Variants in CXXC1 observed in about 807,000 individuals in gnomAD.
CXXC1 encodes the protein CXXC-type zinc finger protein 1.
CXXC1 carries 21 observed loss-of-function variants against 83.6 expected under a neutral mutation model. The observed-to-expected ratio is 0.25, with a 90% confidence interval of 0.18 to 0.36. CXXC1 has a LOEUF of 0.36. CXXC1 is among the 10% of genes least tolerant of loss of function. The pLI is 1.00. For missense variants in CXXC1, 688 were observed against 919.5 expected (o/e 0.75, Z 3.26); for synonymous variants, 371 against 337.5 (o/e 1.10, Z -1.09).
chr18:50,286,305 G>C, intron 3 of CXXC1, 48 bp from the exon 4 acceptor site: 1 of 1,503,676 alleles, frequency 6.7e-7, no homozygotes, highest in Non-Finnish European at 9.0e-7. Flanking sequence ...TGGATGGCTT[G>C]AATGGTCCCA....
chr18:50,286,840 G>T lies in CXXC1; in HGVS notation c.22C>A (p.Pro8Thr). 1 of 1,613,378 alleles carries T rather than the reference G, an allele frequency of 6.2e-7. No homozygotes were observed. The highest frequency in any genetic ancestry group is 1.1e-5 in the South Asian group (1 of 91,062). MEGDGSD[P>T]EPPDAGEDSK... is the part of the protein sequence containing the mutation. ...TCCTCCCCGGCATCTGGAGGCTCTG[G>T]GTCTGAACCATCTCCCTCCTGCAGG... Residue 8 changes from proline to threonine, a missense_variant, in exon 2 of 15, where the codon CCA becomes ACA. Transcript: ENST00000285106.
chr18:50,284,994 C>G lies in CXXC1; in HGVS notation c.912+8G>C, dbSNP rs768722834. On this transcript the variant is annotated splice_region_variant and intron_variant, in intron 7 of 14. Transcript: ENST00000285106. ...CCCTTCCACCAGTGGATGCTCCTGT[C>G]TGCTCACCAGGCCATGGTCATCAAA... The G allele has an allele frequency of 3.7e-6, 6 of 1,614,140 alleles. No homozygotes were observed. The highest frequency in any genetic ancestry group is 4.2e-6 in the Non-Finnish European group (5 of 1,179,998).
chr18:50,286,132 C>T lies in CXXC1; in HGVS notation c.349G>A (p.Asp117Asn), dbSNP rs779519349. The T allele has an allele frequency of 1.9e-6, 3 of 1,613,928 alleles. No individual in the cohort carries two copies. Among genetic ancestry groups the T allele is most frequent in the African/African-American group, 1.3e-5 (1 of 74,942 alleles). Residue 117 changes from aspartate to asparagine, a missense_variant, in exon 4 of 15, where the codon GAC becomes AAC. Physicochemically the swap from Asp to Asn is conservative, Grantham distance 23. This residue lies in a region of CXXC1 where 142 missense variants were observed against 150.7 expected (regional missense o/e 0.94). Coordinates refer to ENST00000285106, the MANE Select transcript of CXXC1 (RefSeq NM_014593.4). ...GGRKRPVPDP[D>N]LQRRAGSGTG... ...CCTGACCCTGCCCGGCGCTGCAGGT[C>T]TGGATCAGGGACAGGCCTCTTGCGC... is the stretch of plus-strand genomic sequence containing the variant.
In CXXC1 at chr18:50,285,129, G is replaced by A. The variant is rs1364204306; in HGVS notation, c.785C>T (p.Ala262Val). The change falls in exon 7 of 15, where the codon GCG (alanine) becomes GTG (valine). Residue 262 changes from alanine (A) to valine (V), a missense_variant. Coordinates refer to ENST00000285106, the MANE Select transcript of CXXC1 (RefSeq NM_014593.4). This position sits in a 1 kb window ranked among gnomAD's most constrained non-coding sequence, Gnocchi z 4.4. ...AGGAGGCTCCTTGACTGTTGATGAC[G>A]CCACTGCCCCCTCATCTTCACGGAT... ...GRIREDEGAVASSTVKEPPEA... is the reference protein window; with the variant it reads ...GRIREDEGAVVSSTVKEPPEA... The A allele has an allele frequency of 6.8e-6, 11 of 1,614,066 alleles. No homozygotes were observed. Among genetic ancestry groups the A allele is most frequent in the Middle Eastern group, 1.6e-4 (1 of 6,084 alleles).
chr18:50,285,139 C>A lies in CXXC1; in HGVS notation c.775G>T (p.Gly259Trp). 6.2e-7 allele frequency: 1 copy of A among 1,614,220 alleles called. No homozygotes were observed. Among genetic ancestry groups the A allele is most frequent in the Non-Finnish European group, 8.5e-7 (1 of 1,180,042 alleles). ...TTGACTGTTGATGACGCCACTGCCC[C>A]CTCATCTTCACGGATGCGCCCTAAC... Reference protein sequence around the residue: ...QKLGRIREDEGAVASSTVKEP... With the variant: ...QKLGRIREDEWAVASSTVKEP... Residue 259 changes from glycine (G) to tryptophan (W), a missense_variant, in exon 7 of 15, where the codon GGG becomes TGG. Transcript: ENST00000285106. This position sits in a 1 kb window ranked among gnomAD's most constrained non-coding sequence, Gnocchi z 4.4.
rs1426307781 is a variant in CXXC1, at chr18:50,282,802, G to A, written c.1824+52C>T. On this transcript the variant is annotated intron_variant, in intron 14 of 14. Transcript: ENST00000285106. This position sits in a 1 kb window ranked among gnomAD's most constrained non-coding sequence, Gnocchi z 5.8. ...CTGCAGCCCCGCCTGCCCCGGCCAC[G>A]TCCGACATGGAAACCTACCACATGC... The A allele has an allele frequency of 3.1e-6, 5 of 1,611,792 alleles. No individual in the cohort carries two copies. In the South Asian group the frequency reaches 3.3e-5, roughly 11 times the overall value.
intron 1 of CXXC1, 200 bp from the exon 2 acceptor site, chr18:50,287,058 C>T (rs2040726227): frequency 1.7e-6 from 1 of 586,206 alleles, no homozygotes; most frequent in African/African-American, 1.9e-5. Context: ...CTCCATACTT[C>T]CCATCACGCA....
At chr18:50,286,928 C>T in intron 1 of CXXC1, 70 bp from the exon 2 acceptor site, 1 of 1,103,412 alleles carries the variant, frequency 9.1e-7, no homozygotes, top group Non-Finnish European at 1.4e-6. Flanking sequence ...CATTACAACT[C>T]CACCGTGGTC....
At position 50,283,765 on chromosome 18, in the gene CXXC1, G is replaced by A. The variant is rs543126867; in HGVS notation, c.1464C>T (p.Ser488=). 37 of 1,614,242 alleles carry A rather than the reference G, an allele frequency of 2.3e-5. No homozygotes were observed. In the East Asian group the frequency reaches 2.7e-4, roughly 12 times the overall value. ...CACGTGGGTTGATGGGGTGCCCACAGGAAACACAGAAGATCTGCAGGTCTG... is the reference window on the plus strand; with the variant it reads ...CACGTGGGTTGATGGGGTGCCCACAAGAAACACAGAAGATCTGCAGGTCTG... ...DDTDLQIFCV[S]CGHPINPRVA... is the part of the protein sequence containing the mutation. The change falls in exon 11 of 15, where the codon TCC becomes TCT. Residue 488 remains serine, a synonymous_variant. Coordinates refer to ENST00000285106, the MANE Select transcript of CXXC1 (RefSeq NM_014593.4).
rs1457511515 is a variant in CXXC1, at chr18:50,284,030, C to T, written c.1277G>A (p.Gly426Asp). Residue 426 changes from glycine (G) to aspartate (D), a missense_variant, in exon 10 of 15, where the codon GGC becomes GAC. By Grantham distance (94) the Gly-to-Asp change is moderately conservative (BLOSUM62 -1). This residue lies in a region of CXXC1 where 100 missense variants were observed against 142.5 expected (regional missense o/e 0.70). Transcript: ENST00000285106. Reference protein sequence around the residue: ...QQSPCIAEEHGKKLLERIRRE... With the variant: ...QQSPCIAEEHDKKLLERIRRE... ...GCGAATGCGTTCGAGCAGCTTCTTG[C>T]CGTGCTCTTCAGCAATGCAAGGGCT... 3 of 1,612,250 alleles carry T rather than the reference C, an allele frequency of 1.9e-6. No individual in the cohort carries two copies. Among genetic ancestry groups the T allele is most frequent in the Non-Finnish European group, 2.5e-6 (3 of 1,180,010 alleles).
Position 50,286,100 on chromosome 18 carries a change from C to T in CXXC1, c.381G>A (p.Gly127=). Reference sequence around the variant, plus strand: ...AGCCCCGAGCAAGCATGGCCCCAACCCCTGTCCCTGACCCTGCCCGGCGCT... The same window carrying T: ...AGCCCCGAGCAAGCATGGCCCCAACTCCTGTCCCTGACCCTGCCCGGCGCT... ...DLQRRAGSGT[G]VGAMLARGSA... Residue 127 remains glycine, a synonymous_variant, in exon 4 of 15, where the codon GGG becomes GGA. Coordinates refer to ENST00000285106, the MANE Select transcript of CXXC1 (RefSeq NM_014593.4). 1 of 1,614,012 alleles carries T rather than the reference C, an allele frequency of 6.2e-7. No homozygotes were observed. The highest frequency in any genetic ancestry group is 8.5e-7 in the Non-Finnish European group (1 of 1,180,006).
Position 50,284,796 on chromosome 18 carries a change from G to A in CXXC1, c.956C>T (p.Ala319Val), listed in dbSNP as rs756474936. ...CACTTTCACTGCCCTCTTCCGCAGCGCGGGGTCCAGGAATGGGGACTCTTC... is the reference window on the plus strand; with the variant it reads ...CACTTTCACTGCCCTCTTCCGCAGCACGGGGTCCAGGAATGGGGACTCTTC... Reference protein sequence around the residue: ...DTEESPFLDPALRKRAVKVKH... With the variant: ...DTEESPFLDPVLRKRAVKVKH... Residue 319 changes from alanine (A) to valine (V), a missense_variant, in exon 8 of 15, where the codon GCG becomes GTG. Coordinates refer to ENST00000285106, the MANE Select transcript of CXXC1 (RefSeq NM_014593.4). 14 of 1,613,966 alleles carry A rather than the reference G, an allele frequency of 8.7e-6. No homozygotes were observed. The highest frequency in any genetic ancestry group is 1.6e-4 in the Middle Eastern group (1 of 6,084).
Position 50,282,772 on chromosome 18 carries a change from A to AGT in CXXC1, c.1825-34_1825-33insAC. 1 of 1,611,574 alleles carries AGT rather than the reference A, an allele frequency of 6.2e-7. No individual in the cohort carries two copies. The highest frequency in any genetic ancestry group is 1.1e-5 in the South Asian group (1 of 90,806). On this transcript the variant is annotated intron_variant, in intron 14 of 14. Transcript: ENST00000285106. This position sits in a 1 kb window ranked among gnomAD's most constrained non-coding sequence, Gnocchi z 5.8. ...GGGAGCGGCAGGAGTCCTAAGCAGG[A>AGT]ACACCTGCAGCCCCGCCTGCCCCGG...
chr18:50,284,037 C>T lies in CXXC1; in HGVS notation c.1270G>A (p.Glu424Lys). The change falls in exon 10 of 15, where the codon GAG becomes AAG. Residue 424 changes from glutamate to lysine, a missense_variant. Glu to Lys is a moderately conservative substitution (Grantham distance 56, BLOSUM62 1). Around this residue, in one of 9 missense-constraint regions of CXXC1, gnomAD observed 100 missense variants for 142.5 expected, o/e 0.70. Coordinates refer to ENST00000285106, the MANE Select transcript of CXXC1 (RefSeq NM_014593.4). ...QWQQSPCIAE[E>K]HGKKLLERIR... ...CGTTCGAGCAGCTTCTTGCCGTGCT[C>T]TTCAGCAATGCAAGGGCTCTGCTGC... is the stretch of plus-strand genomic sequence containing the variant. The T allele has an allele frequency of 6.2e-7, 1 of 1,612,016 alleles. No individual in the cohort carries two copies. Among genetic ancestry groups the T allele is most frequent in the Non-Finnish European group, 8.5e-7 (1 of 1,179,990 alleles).
intron 1 of CXXC1, 174 bp downstream of exon 1, chr18:50,287,413 C>T (rs766623023): frequency 2.7e-6 from 2 of 741,204 alleles, no homozygotes; most frequent in African/African-American, 3.5e-5. Context: ...AGCCCCCCAC[C>T]GTGGCTCACC....
rs759006731 is a variant in CXXC1 at position 50,286,042 on chromosome 18, A to C, written c.439T>G (p.Leu147Val). The C allele has an allele frequency of 5.0e-6, 8 of 1,613,724 alleles. No homozygotes were observed. In the African/African-American group the frequency reaches 9.3e-5, roughly 19 times the overall value. Reference protein sequence around the residue: ...ASPHKSSPQPLVATPSQHHQQ... With the variant: ...ASPHKSSPQPVVATPSQHHQQ... Reference sequence around the variant, plus strand: ...CTCACCTGGCTGGGTGTGGCCACCAAGGGCTGCGGAGAGGATTTGTGGGGC... The same window carrying C: ...CTCACCTGGCTGGGTGTGGCCACCACGGGCTGCGGAGAGGATTTGTGGGGC... Residue 147 changes from leucine to valine, a missense_variant, in exon 4 of 15, where the codon TTG (leucine) becomes GTG (valine). Around this residue, in one of 9 missense-constraint regions of CXXC1, gnomAD observed 142 missense variants for 150.7 expected, o/e 0.94. Transcript: ENST00000285106.
chr18:50,283,176 GAA>G, intron 13 of CXXC1, 87 bp downstream of exon 13: 1 of 1,333,130 alleles, frequency 7.5e-7, no homozygotes, highest in Non-Finnish European at 1.1e-6. Flanking sequence ...AAAAGTGAAG[GAA>G]AAGTGAGGTG....
In CXXC1 at chr18:50,285,772, G is replaced by A; in HGVS notation, c.616C>T (p.Arg206Cys). 6.2e-7 allele frequency: 1 copy of A among 1,613,572 alleles called. No homozygotes were observed. The change falls in exon 5 of 15, where the codon CGC becomes TGC. Residue 206 changes from arginine to cysteine, a missense_variant. By Grantham distance (180) the Arg-to-Cys change is radical. Coordinates refer to ENST00000285106, the MANE Select transcript of CXXC1 (RefSeq NM_014593.4). This position sits in a 1 kb window ranked among gnomAD's most constrained non-coding sequence, Gnocchi z 4.4. ...PNKIRQKCRL[R>C]QCQLRARESY... ...ACCCGGGCCCGCAGCTGGCACTGGC[G>A]CAGCCGGCACTTCTGCCGGATCTTG...
In CXXC1 at chr18:50,286,138, C is replaced by T. The variant is rs1466470990; in HGVS notation, c.343G>A (p.Asp115Asn). ...CCTGCCCGGCGCTGCAGGTCTGGATCAGGGACAGGCCTCTTGCGCCCTCCA... is the reference window on the plus strand; with the variant it reads ...CCTGCCCGGCGCTGCAGGTCTGGATTAGGGACAGGCCTCTTGCGCCCTCCA... Reference protein sequence around the residue: ...EGGGRKRPVPDPDLQRRAGSG... With the variant: ...EGGGRKRPVPNPDLQRRAGSG... Residue 115 changes from aspartate to asparagine, a missense_variant, in exon 4 of 15, where the codon GAT (aspartate) becomes AAT (asparagine). Asp to Asn is a conservative substitution (Grantham distance 23). This residue lies in a region of CXXC1 where 142 missense variants were observed against 150.7 expected (regional missense o/e 0.94). Transcript: ENST00000285106. The T allele has an allele frequency of 1.2e-6, 2 of 1,614,024 alleles. No individual in the cohort carries two copies. The highest frequency in any genetic ancestry group is 1.7e-6 in the Non-Finnish European group (2 of 1,180,002).
Sources: gnomAD v4.1 joint callset for allele counts on GRCh38, gnomAD v4.1.1 for gene constraint, gnomAD v4.1.1 regional missense constraint, Gnocchi (gnomAD v3.1) non-coding constraint, MANE v1.5 for transcripts, NCBI Gene and HGNC (gene_info 2026-07-23, HGNC 2026-07-21) for gene names.